The following MTUS2 variants were observed in gnomAD, a reference collection of about 807,000 sequenced individuals.
MTUS2 encodes the protein microtubule associated scaffold protein 2.
A neutral mutation model predicts 114.1 loss-of-function variants in MTUS2; 40 were observed. The observed-to-expected ratio is 0.35, with a 90% CI of 0.27 to 0.46. The LOEUF (loss-of-function observed/expected upper bound fraction) is 0.46. Among genes scored for constraint, MTUS2 ranks in the 20% least tolerant of loss-of-function variants. The pLI, the probability that MTUS2 is intolerant of heterozygous loss-of-function variation, is 1.00. For missense variants in MTUS2, 1,679 were observed against 1,705.4 expected, an observed-to-expected ratio of 0.98 and a Z score of 0.27; for synonymous variants, 688 against 672.0, an observed-to-expected ratio of 1.02 and a Z score of -0.37.
intron 2 of MTUS2, among the ~76,000 whole-genome samples, chr13:28,916,140 T>A (rs1880732822): frequency 6.6e-6 from 1 of 152,166 alleles, no homozygotes; most frequent in African/African-American, 2.4e-5. Flanking sequence ...TTCTCTATTC[T>A]ATTCCATTGG....
intron 5 of MTUS2, among the ~76,000 whole-genome samples, chr13:29,120,434 AT>A (rs1179650279): frequency 2.6e-5 from 4 of 152,040 alleles, no homozygotes; most frequent in African/African-American, 9.7e-5. Flanking sequence ...GCATGAGACT[AT>A]TTTTATACTT....
chr13:29,201,260 G>A (rs1405390964), intron 5 of MTUS2, among the ~76,000 whole-genome samples: 1 of 151,844 alleles, frequency 6.6e-6, no homozygotes, highest in Non-Finnish European at 1.5e-5. Context: ...TTATCACTAT[G>A]TAATGCCCTT....
In MTUS2 at chr13:29,172,110, A is replaced by G. The variant is rs369269975; in HGVS notation, c.2644+71140A>G. Among the ~76,000 whole-genome samples the G allele has an allele frequency of 2.6e-5, 4 of 152,330 alleles. No homozygotes were observed. The South Asian group carries it at 8.3e-4, about 32-fold the overall frequency. Reference sequence around the variant, plus strand: ...CTGTGAAGCTTGGAGAGAAAAGGTGATTGTGGTATCATGGAAACAACAACT... The same window carrying G: ...CTGTGAAGCTTGGAGAGAAAAGGTGGTTGTGGTATCATGGAAACAACAACT... On this transcript the variant is annotated intron_variant, in intron 5 of 15. Coordinates refer to ENST00000612955, the MANE Select transcript of MTUS2 (RefSeq NM_001033602.4).
Position 28,974,684 on chromosome 13 carries a change from G to T in MTUS2, c.-242-49773G>T, listed in dbSNP as rs191672198. Reference sequence around the variant, plus strand: ...AAAACATACAGCTCCTGTTCCTTTAGAATTGAAAATCTGAGTTAAAAAACA... The same window carrying T: ...AAAACATACAGCTCCTGTTCCTTTATAATTGAAAATCTGAGTTAAAAAACA... On this transcript the variant is annotated intron_variant, in intron 2 of 15. Coordinates refer to ENST00000612955, the MANE Select transcript of MTUS2 (RefSeq NM_001033602.4). Among the ~76,000 whole-genome samples, 15 of 152,216 alleles carry T rather than the reference G, an allele frequency of 9.9e-5. No homozygotes were observed. In the East Asian group the frequency reaches 2.5e-3, roughly 25 times the overall value.
Position 29,100,789 on chromosome 13 carries a change from T to C in MTUS2, c.2463T>C (p.Ala821=). 6.4e-7 allele frequency: 1 copy of C among 1,551,590 alleles called. No individual in the cohort carries two copies. Among genetic ancestry groups the C allele is most frequent in the Non-Finnish European group, 8.7e-7 (1 of 1,146,988 alleles). ...TCGTTTTAGCAGATTTAAAGAAAGC[T>C]TCCAGTTCAAATGCTGCAAAATCCA... ...SSDPSADLKK[A]SSSNAAKSNL... The change falls in exon 5 of 16, where the codon GCT becomes GCC. Residue 821 remains alanine, a synonymous_variant. Coordinates refer to ENST00000612955, the MANE Select transcript of MTUS2 (RefSeq NM_001033602.4).
At chr13:29,094,011 G>T (rs1444825484) in intron 4 of MTUS2, among the ~76,000 whole-genome samples, 3 of 152,058 alleles carry the variant, frequency 2.0e-5, no homozygotes, top group African/African-American at 7.2e-5. Context: ...ATAGTACATG[G>T]ATTAATTATG....
At position 29,480,182 on chromosome 13, in the gene MTUS2, AAGG is replaced by A; in HGVS notation, c.3220_3222del (p.Glu1074del). On this transcript the variant is annotated inframe_deletion, in exon 10 of 16. Coordinates refer to ENST00000612955, the MANE Select transcript of MTUS2 (RefSeq NM_001033602.4). This position sits in a 1 kb window ranked among gnomAD's most constrained non-coding sequence, Gnocchi z 4.4. ...TACAGCAAAGTGCGAGAAACTACAA[AAGG>A]AGAAGGAGGAGCTGGAGAGGCGGTT... is the stretch of plus-strand genomic sequence containing the variant. 1 of 1,556,186 alleles carries A rather than the reference AAGG, an allele frequency of 6.4e-7. No homozygotes were observed. Among genetic ancestry groups the A allele is most frequent in the Non-Finnish European group, 8.7e-7 (1 of 1,149,450 alleles).
chr13:29,338,014 G>A lies in MTUS2; in HGVS notation c.2905+13303G>A, dbSNP rs554693231. 2.7e-5 allele frequency among the ~76,000 whole-genome samples: 4 copies of A among 149,682 alleles called. No homozygotes were observed. The South Asian group carries it at 8.5e-4, about 32-fold the overall frequency. ...CATGTTGGTTGGCCAGGATGGTCTC[G>A]ATCTCTTGACCTCGTGATTTGCCCA... On this transcript the variant is annotated intron_variant, in intron 7 of 15. Coordinates refer to ENST00000612955, the MANE Select transcript of MTUS2 (RefSeq NM_001033602.4).
rs191958670 is a variant in MTUS2, at chr13:28,956,738, T to A, written c.-242-67719T>A. Among the ~76,000 whole-genome samples the A allele has an allele frequency of 3.7e-4, 56 of 150,622 alleles. 1 individual carries two copies. In the East Asian group the frequency reaches 0.011, roughly 29 times the overall value. ...GTGGGAGGCAGTCCTGGGGAGGTTG[T>A]ATGGATAAGCTGGTGGGAAGGAAGT... is the stretch of plus-strand genomic sequence containing the variant. On this transcript the variant is annotated intron_variant, in intron 2 of 15. Coordinates refer to ENST00000612955, the MANE Select transcript of MTUS2 (RefSeq NM_001033602.4).
chr13:29,081,944 C>T (rs550871317), intron 4 of MTUS2, among the ~76,000 whole-genome samples: 63 of 152,086 alleles, frequency 4.1e-4, no homozygotes, highest in Non-Finnish European at 6.9e-4. Flanking sequence ...CAGTGTTACA[C>T]GACTGCCTGA....
chr13:29,186,458 G>T (rs979556386), intron 5 of MTUS2, among the ~76,000 whole-genome samples: 2 of 152,076 alleles, frequency 1.3e-5, no homozygotes, highest in Non-Finnish European at 2.9e-5. Context: ...ATGTAAACAG[G>T]ATCCAAAAGA....
intron 6 of MTUS2, among the ~76,000 whole-genome samples, chr13:29,306,388 C>G (rs1395383632): frequency 6.6e-6 from 1 of 152,032 alleles, no homozygotes; most frequent in Non-Finnish European, 1.5e-5. Flanking sequence ...TCTAGAAAAC[C>G]CCATCATCTC....
chr13:29,496,896 G>A lies in MTUS2; in HGVS notation c.3580-342G>A, dbSNP rs1183302958. Among the ~76,000 whole-genome samples the A allele has an allele frequency of 6.6e-6, 1 of 152,134 alleles. No individual in the cohort carries two copies. The highest frequency in any genetic ancestry group is 2.4e-5 in the African/African-American group (1 of 41,426). Reference sequence around the variant, plus strand: ...TCATCGCGGTCCTTCCCAAAGCCAGGGGCTAGGTGCCTCCTGGACAAGAGG... The same window carrying A: ...TCATCGCGGTCCTTCCCAAAGCCAGAGGCTAGGTGCCTCCTGGACAAGAGG... On this transcript the variant is annotated intron_variant, in intron 12 of 15. Transcript: ENST00000612955. This position sits in a 1 kb window ranked among gnomAD's most constrained non-coding sequence, Gnocchi z 4.3.
chr13:29,266,272 G>T (rs1897664065), intron 5 of MTUS2, among the ~76,000 whole-genome samples: 1 of 152,138 alleles, frequency 6.6e-6, no homozygotes, highest in Non-Finnish European at 1.5e-5. Flanking sequence ...TTTTAAGGAT[G>T]AAAAATGAAG....
chr13:29,163,731 G>A (rs150986877), intron 5 of MTUS2, among the ~76,000 whole-genome samples: 23 of 152,266 alleles, frequency 1.5e-4, no homozygotes, highest in African/African-American at 3.4e-4. Flanking sequence ...ACTCCTGAGC[G>A]AGCGCATGTA....
chr13:29,442,782 G>A (rs745454230), intron 9 of MTUS2, among the ~76,000 whole-genome samples: 25 of 152,224 alleles, frequency 1.6e-4, no homozygotes, highest in South Asian at 1.2e-3. Context: ...CTCAGTGGCC[G>A]AGAGACTTGA....
At chr13:28,979,508 A>G (rs1238793201) in intron 2 of MTUS2, among the ~76,000 whole-genome samples, 1 of 152,214 alleles carries the variant, frequency 6.6e-6, no homozygotes, top group Non-Finnish European at 1.5e-5. Context: ...TTCTCATCCT[A>G]AAACAACCCT....
intron 2 of MTUS2, among the ~76,000 whole-genome samples, chr13:28,908,139 T>G (rs1880164713): frequency 6.6e-6 from 1 of 151,656 alleles, no homozygotes; most frequent in South Asian, 2.1e-4. Context: ...CAACTATTTC[T>G]TTCTTTGTTT....
At chr13:28,879,459 G>T (rs185903555) in intron 2 of MTUS2, among the ~76,000 whole-genome samples, 6 of 151,830 alleles carry the variant, frequency 4.0e-5, no homozygotes, top group African/African-American at 7.3e-5. Context: ...AGGGCCTGGT[G>T]GGGGGGCTCC....
Sources: gnomAD v4.1 joint callset for allele counts (sites outside exome capture counted in the v4.1 genomes callset) on GRCh38, gnomAD v4.1.1 for gene constraint, Gnocchi (gnomAD v3.1) non-coding constraint, MANE v1.5 for transcripts, NCBI Gene and HGNC (gene_info 2026-07-23, HGNC 2026-07-21) for gene names.